Variants in DIP2C observed in about 807,000 individuals in gnomAD.
The protein encoded by DIP2C is disco-interacting protein 2 homolog C.
Under a neutral mutation model 192.4 loss-of-function variants are expected in DIP2C, and 33 were observed. That is an observed-to-expected ratio of 0.17 (90% CI 0.13 to 0.23). DIP2C has a LOEUF of 0.23. DIP2C is among the 10% of genes least tolerant of loss of function. The probability of loss-of-function intolerance (pLI) is 1.00; values close to 1 mark genes in which losing one functional copy is unlikely to be tolerated. For missense variants in DIP2C, 1,537 were observed against 2,110.1 expected (o/e 0.73, Z 5.32); for synonymous variants, 979 against 864.1 (o/e 1.13, Z -2.33).
chr10:288,431 G>C lies in DIP2C; in HGVS notation c.3987-10C>G, dbSNP rs1226384670. 1 of 1,613,808 alleles carries C rather than the reference G, an allele frequency of 6.2e-7. No individual in the cohort carries two copies. The highest frequency in any genetic ancestry group is 8.5e-7 in the Non-Finnish European group (1 of 1,179,792). On this transcript the variant is annotated splice_polypyrimidine_tract_variant and intron_variant, in intron 32 of 36. Transcript: ENST00000280886. ...TTCCACTAAGCGGACTCTGCAAACA[G>C]AAAGAGAAAATATTCCTAGATGTGT...
At chr10:289,229 C>G (rs1955343746) in intron 32 of DIP2C, among the ~76,000 whole-genome samples, 1 of 151,632 alleles carries the variant, frequency 6.6e-6, no homozygotes, top group African/African-American at 2.4e-5. Context: ...GGCAGGGGGC[C>G]TGTGGGCTCC....
At chr10:447,404 G>A (rs1196903640) in intron 3 of DIP2C, among the ~76,000 whole-genome samples, 17 of 150,772 alleles carry the variant, frequency 1.1e-4, no homozygotes, top group African/African-American at 3.4e-4. Flanking sequence ...CAGTGGGGCA[G>A]CAGGACCCAC....
At chr10:486,131 T>TA (rs1843996062) in intron 2 of DIP2C, among the ~76,000 whole-genome samples, 1 of 148,890 alleles carries the variant, frequency 6.7e-6, no homozygotes, top group Non-Finnish European at 1.5e-5. Context: ...GAATCAATAG[T>TA]AATAAATAGC....
At chr10:431,630 C>T (rs1395251279) in intron 4 of DIP2C, among the ~76,000 whole-genome samples, 1 of 152,166 alleles carries the variant, frequency 6.6e-6, no homozygotes, top group African/African-American at 2.4e-5. Flanking sequence ...ATTCGTTCAA[C>T]TTTTGTATAT....
At chr10:414,737 G>A (rs796442180) in intron 7 of DIP2C, among the ~76,000 whole-genome samples, 2,866 of 55,682 alleles carry the variant, frequency 0.051, 173 homozygotes, top group African/African-American at 0.12. Flanking sequence ...GTGTGTGTGT[G>A]TGTACATATA....
rs545510497 is a variant in DIP2C at position 670,220 on chromosome 10, A to G, written c.85+19274T>C. On this transcript the variant is annotated intron_variant, in intron 1 of 36. Transcript: ENST00000280886. ...TGTGCACATGTATGCACACATACGC[A>G]CACGCATGCATGCACACGCATATGC... Among the ~76,000 whole-genome samples the G allele has an allele frequency of 2.3e-3, 325 of 142,712 alleles. 1 individual carries two copies. The highest frequency in any genetic ancestry group is 6.8e-3 in the Middle Eastern group (2 of 292). 93.6% of individuals were successfully genotyped at this position (142,712 alleles called of 152,430 possible). A position where few individuals can be genotyped will look rare whatever the true frequency, so the allele number is the denominator to read the frequency against.
rs552527948 is a variant in DIP2C at position 326,758 on chromosome 10, CCT to C, written c.3924+246_3924+247del. Among the ~76,000 whole-genome samples, 387 of 152,306 alleles carry C rather than the reference CCT, an allele frequency of 2.5e-3. 1 individual carries two copies. Among genetic ancestry groups the C allele is most frequent in the Middle Eastern group, 0.024 (7 of 294 alleles). ...GCAGAGGTCTGGACAAACTGCTACC[CCT>C]GTCACAAAAGTTAAAATGTTCCAGG... On this transcript the variant is annotated intron_variant, in intron 31 of 36. Transcript: ENST00000280886.
At position 426,783 on chromosome 10, in the gene DIP2C, G is replaced by A. The variant is rs1966624021; in HGVS notation, c.395-3750C>T. On this transcript the variant is annotated intron_variant, in intron 4 of 36. Coordinates refer to ENST00000280886, the MANE Select transcript of DIP2C (RefSeq NM_014974.3). ...TATTTTTTTCAACAAATGTTGCTGTGGCAACTGGGTACCCAACACACCAAA... is the reference window on the plus strand; with the variant it reads ...TATTTTTTTCAACAAATGTTGCTGTAGCAACTGGGTACCCAACACACCAAA... Among the ~76,000 whole-genome samples the A allele has an allele frequency of 2.0e-5, 3 of 151,934 alleles. No individual in the cohort carries two copies. In the East Asian group the frequency reaches 5.8e-4, roughly 29 times the overall value.
intron 1 of DIP2C, among the ~76,000 whole-genome samples, chr10:610,375 T>C (rs74115076): frequency 0.068 from 10,389 of 152,188 alleles, 418 homozygotes; most frequent in African/African-American, 0.092. Flanking sequence ...AGATCTACTA[T>C]TGATAAACCA....
intron 32 of DIP2C, among the ~76,000 whole-genome samples, chr10:298,810 C>T (rs1405136757): frequency 2.0e-5 from 3 of 152,226 alleles, no homozygotes; most frequent in African/African-American, 7.2e-5. Context: ...GCTGCACCTC[C>T]ACCCAACCCT....
At position 329,469 on chromosome 10, in the gene DIP2C, G is replaced by C; in HGVS notation, c.3717C>G (p.Cys1239Trp). The C allele has an allele frequency of 6.2e-7, 1 of 1,614,102 alleles. No individual in the cohort carries two copies. Among genetic ancestry groups the C allele is most frequent in the Non-Finnish European group, 8.5e-7 (1 of 1,179,996 alleles). The stretch of plus-strand genomic sequence containing the variant: ...CTGTTTGCGAGCCCAGCCCCTTGGT[G>C]CACAGCTCCATCACGGAGTAGGAGC... ...TFCSYSVMEL[C>W]TKGLGSQTES... The change falls in exon 30 of 37, where the codon TGC becomes TGG. Residue 1239 changes from cysteine to tryptophan, a missense_variant. Physicochemically the swap from Cys to Trp is radical, Grantham distance 215. Around this residue, in one of 4 missense-constraint regions of DIP2C, gnomAD observed 341 missense variants for 551.7 expected, o/e 0.62. Coordinates refer to ENST00000280886, the MANE Select transcript of DIP2C (RefSeq NM_014974.3).
intron 24 of DIP2C, among the ~76,000 whole-genome samples, chr10:351,335 G>A (rs542692181): frequency 5.9e-5 from 9 of 152,188 alleles, no homozygotes; most frequent in African/African-American, 2.2e-4. Flanking sequence ...GTGAACACCT[G>A]ACCCTGACCT....
intron 2 of DIP2C, among the ~76,000 whole-genome samples, chr10:476,475 C>G (rs1382608853): frequency 6.6e-6 from 1 of 152,212 alleles, no homozygotes; most frequent in African/African-American, 2.4e-5. Context: ...GCATTTGATG[C>G]GTCACTCATT....
rs189252705 is a variant in DIP2C at position 687,429 on chromosome 10, G to A, written c.85+2065C>T. 3.9e-5 allele frequency among the ~76,000 whole-genome samples: 6 copies of A among 152,306 alleles called. No individual in the cohort carries two copies. The East Asian group carries it at 1.2e-3, about 29-fold the overall frequency. On this transcript the variant is annotated intron_variant, in intron 1 of 36. Coordinates refer to ENST00000280886, the MANE Select transcript of DIP2C (RefSeq NM_014974.3). ...GTGGGGCCAGCACAGGCCGGAGGGT[G>A]CAGAGAGGCTGAATAGAGCCACGGA...
chr10:374,813 A>C (rs1961379213), intron 17 of DIP2C, among the ~76,000 whole-genome samples: 1 of 152,240 alleles, frequency 6.6e-6, no homozygotes, highest in African/African-American at 2.4e-5. Context: ...CCATAGGCAG[A>C]ATTCGAGGGG....
At chr10:650,497 C>G in intron 1 of DIP2C, 1 of 699,388 alleles carries the variant, frequency 1.4e-6, no homozygotes, top group Non-Finnish European at 2.6e-6. Context: ...CTACTGGGTT[C>G]CCTATACTCT....
At position 363,101 on chromosome 10, in the gene DIP2C, G is replaced by A. The variant is rs2132724531; in HGVS notation, c.2592+96C>T. ...GGGAAGGGAAAAAGGGCCACCCCATGGGCAAAGCAACAGCTGGTCACACCA... is the reference window on the plus strand; with the variant it reads ...GGGAAGGGAAAAAGGGCCACCCCATAGGCAAAGCAACAGCTGGTCACACCA... On this transcript the variant is annotated intron_variant, in intron 21 of 36. Coordinates refer to ENST00000280886, the MANE Select transcript of DIP2C (RefSeq NM_014974.3). This position sits in a 1 kb window ranked among gnomAD's most constrained non-coding sequence, Gnocchi z 5.4. The A allele has an allele frequency of 8.9e-7, 1 of 1,121,520 alleles. No homozygotes were observed. The highest frequency in any genetic ancestry group is 1.3e-6 in the Non-Finnish European group (1 of 781,280). 69.5% of individuals were successfully genotyped at this position (1,121,520 alleles called of 1,614,324 possible).
At chr10:399,009 G>A in intron 10 of DIP2C, 100 bp downstream of exon 10, 2 of 1,013,084 alleles carry the variant, frequency 2.0e-6, no homozygotes, top group East Asian at 5.1e-5. Context: ...GGAAACCCAG[G>A]GCCCCAGAAA....
intron 1 of DIP2C, among the ~76,000 whole-genome samples, chr10:555,191 T>A (rs1848784111): frequency 1.6e-5 from 2 of 124,620 alleles, no homozygotes; most frequent in Non-Finnish European, 3.1e-5. Flanking sequence ...TTCAGTATTA[T>A]TTTTTTTTTT....
Sources: gnomAD v4.1 joint callset for allele counts (sites outside exome capture counted in the v4.1 genomes callset) on GRCh38, gnomAD v4.1.1 for gene constraint, gnomAD v4.1.1 regional missense constraint, Gnocchi (gnomAD v3.1) non-coding constraint, MANE v1.5 for transcripts, NCBI Gene and HGNC (gene_info 2026-07-23, HGNC 2026-07-21) for gene names.